ZMIZ1: variants seen among roughly 807,000 people sequenced by gnomAD.
The protein encoded by ZMIZ1 is zinc finger MIZ-type containing 1, also known as zinc finger MIZ domain-containing protein 1.
Under a neutral mutation model 113.9 loss-of-function variants are expected in ZMIZ1, and 17 were observed. The ratio of observed to expected loss-of-function variants is 0.15; its 90% CI spans 0.10 to 0.22. ZMIZ1 has a LOEUF of 0.22. Among genes scored for constraint, ZMIZ1 ranks in the 10% least tolerant of loss-of-function variants. The pLI is 1.00. For synonymous variants in ZMIZ1, 607 were observed against 603.1 expected (o/e 1.01, Z -0.09); for missense variants, 1,059 against 1,477.8 (o/e 0.72, Z 4.65).
intron 12 of ZMIZ1, chr10:79,294,034 C>G (rs909981688): frequency 1.6e-5 from 5 of 306,250 alleles, no homozygotes; most frequent in African/African-American, 1.0e-4. Context: ...GAGAGCTTCC[C>G]CAACTCCTCT....
chr10:79,197,732 G>A (rs1847903198), intron 4 of ZMIZ1, among the ~76,000 whole-genome samples: 1 of 151,946 alleles, frequency 6.6e-6, no homozygotes, highest in African/African-American at 2.4e-5. Flanking sequence ...TATCCAACAA[G>A]CTGTAACCTC....
intron 1 of ZMIZ1, among the ~76,000 whole-genome samples, chr10:79,087,347 G>C (rs1232268452): frequency 6.9e-6 from 1 of 144,718 alleles, no homozygotes; most frequent in East Asian, 2.0e-4. Context: ...CATGGTCCTG[G>C]CTGAAATTGG....
intron 4 of ZMIZ1, among the ~76,000 whole-genome samples, chr10:79,163,133 C>T (rs541486984): frequency 4.1e-4 from 62 of 152,388 alleles, no homozygotes; most frequent in Admixed American, 1.3e-3. Flanking sequence ...CCCAAGGCGT[C>T]GTGGTGCTGG....
chr10:79,302,785 A>C (rs1250548), intron 18 of ZMIZ1, among the ~76,000 whole-genome samples: 50,698 of 136,726 alleles, frequency 0.37, 9,779 homozygotes, highest in East Asian at 0.64. Flanking sequence ...GCTCCGCCTC[A>C]TGGGTTCACG....
At position 79,281,676 on chromosome 10, in the gene ZMIZ1, T is replaced by C. The variant is rs554668332; in HGVS notation, c.425+4351T>C. On this transcript the variant is annotated intron_variant, in intron 8 of 24. Coordinates refer to ENST00000334512, the MANE Select transcript of ZMIZ1 (RefSeq NM_020338.4). ...AAGCTGTGTGGGCTGGAAGACTCGCTGAGTACTGGTGGCTAACCAGTCGGT... is the reference window on the plus strand; with the variant it reads ...AAGCTGTGTGGGCTGGAAGACTCGCCGAGTACTGGTGGCTAACCAGTCGGT... 9.8e-5 allele frequency among the ~76,000 whole-genome samples: 15 copies of C among 152,338 alleles called. No individual in the cohort carries two copies. In the South Asian group the frequency reaches 3.1e-3, roughly 32 times the overall value.
At chr10:79,243,073 C>T (rs527925846) in intron 7 of ZMIZ1, among the ~76,000 whole-genome samples, 16 of 151,504 alleles carry the variant, frequency 1.1e-4, no homozygotes, top group African/African-American at 3.6e-4. Context: ...CAAGGCAGGT[C>T]TGCTCGCCTT....
At chr10:79,279,372 C>T (rs1014314406) in intron 8 of ZMIZ1, among the ~76,000 whole-genome samples, 5 of 151,410 alleles carry the variant, frequency 3.3e-5, no homozygotes, top group African/African-American at 7.3e-5. Context: ...GACGGGGTGG[C>T]GGGGCAGAGG....
chr10:79,222,997 C>G (rs1017116155), intron 7 of ZMIZ1, among the ~76,000 whole-genome samples: 4 of 152,342 alleles, frequency 2.6e-5, no homozygotes, highest in African/African-American at 9.6e-5. Flanking sequence ...GAATGGTGGA[C>G]TCTCAGACCC....
Position 79,114,482 on chromosome 10 carries a change from T to TGCGC in ZMIZ1, c.-336-4432_-336-4431insCGCG, listed in dbSNP as rs1394621468. Among the ~76,000 whole-genome samples, 173 of 124,952 alleles carry TGCGC rather than the reference T, an allele frequency of 1.4e-3. 1 individual carries two copies. The highest frequency in any genetic ancestry group is 4.8e-3 in the Admixed American group (59 of 12,238). The allele number at this position is 124,952 out of a possible 152,430, so 82.0% of individuals were successfully genotyped here. A position where few individuals can be genotyped will look rare whatever the true frequency, so the allele number is the denominator to read the frequency against. Reference sequence around the variant, plus strand: ...GTGTGTATGTGTGTGTGTGTCTGTGTGTGTGTGTGTGCGTGTGTGTGTGCG... The same window carrying TGCGC: ...GTGTGTATGTGTGTGTGTGTCTGTGTGCGCGTGTGTGTGTGCGTGTGTGTGTGCG... On this transcript the variant is annotated intron_variant, in intron 1 of 24. Transcript: ENST00000334512.
chr10:79,263,402 T>G (rs1369081003), intron 7 of ZMIZ1, among the ~76,000 whole-genome samples: 1 of 151,926 alleles, frequency 6.6e-6, no homozygotes, highest in Admixed American at 6.6e-5. Context: ...TGGTTGGAGG[T>G]GAGATGGTAG....
intron 7 of ZMIZ1, among the ~76,000 whole-genome samples, chr10:79,234,595 T>C (rs565232273): frequency 1.3e-5 from 2 of 152,330 alleles, no homozygotes; most frequent in East Asian, 3.9e-4. Context: ...CCATTAGTCA[T>C]GCAGGAAACA....
chr10:79,126,467 G>A (rs1844515280), intron 2 of ZMIZ1, among the ~76,000 whole-genome samples: 1 of 152,172 alleles, frequency 6.6e-6, no homozygotes. Context: ...GTGAGTGCCA[G>A]CTGAGCCCCA....
chr10:79,077,475 G>C (rs1842512755), intron 1 of ZMIZ1, among the ~76,000 whole-genome samples: 1 of 151,668 alleles, frequency 6.6e-6, no homozygotes, highest in East Asian at 1.9e-4. Flanking sequence ...AAGAGTGGGG[G>C]GTTCTGTGGT....
At chr10:79,138,207 G>A (rs531542170) in intron 2 of ZMIZ1, among the ~76,000 whole-genome samples, 1 of 152,346 alleles carries the variant, frequency 6.6e-6, no homozygotes, top group South Asian at 2.1e-4. Flanking sequence ...CACACAGGGA[G>A]GCAGAGGCCC....
intron 7 of ZMIZ1, among the ~76,000 whole-genome samples, chr10:79,234,259 C>T (rs1196981771): frequency 6.6e-6 from 1 of 152,082 alleles, no homozygotes; most frequent in Non-Finnish European, 1.5e-5. Flanking sequence ...GGAAGTGTGC[C>T]GTGTGTGGAG....
At chr10:79,247,233 C>T (rs762387376) in intron 7 of ZMIZ1, among the ~76,000 whole-genome samples, 3 of 152,170 alleles carry the variant, frequency 2.0e-5, no homozygotes, top group Non-Finnish European at 4.4e-5. Flanking sequence ...GGACCTTTGG[C>T]GACACTCTCA....
At chr10:79,116,767 G>A (rs965555039) in intron 1 of ZMIZ1, among the ~76,000 whole-genome samples, 1 of 152,216 alleles carries the variant, frequency 6.6e-6, no homozygotes, top group Admixed American at 6.5e-5. Context: ...TTCTGTAGCT[G>A]CCAGGCAGAT....
chr10:79,146,726 G>A (rs964849580), intron 3 of ZMIZ1, among the ~76,000 whole-genome samples: 3 of 152,134 alleles, frequency 2.0e-5, no homozygotes, highest in Non-Finnish European at 4.4e-5. Context: ...GGGGCTGGGC[G>A]GGTGCTCTGC....
At chr10:79,175,598 G>GTGTGTGTA (rs1846806381) in intron 4 of ZMIZ1, among the ~76,000 whole-genome samples, 2 of 112,640 alleles carry the variant, frequency 1.8e-5, no homozygotes, top group African/African-American at 9.4e-5. Context: ...GTGTGTGTGT[G>GTGTGTGTA]TGTGTGTGTG....
Sources: gnomAD v4.1 joint callset for allele counts (sites outside exome capture counted in the v4.1 genomes callset) on GRCh38, gnomAD v4.1.1 for gene constraint, MANE v1.5 for transcripts, NCBI Gene and HGNC (gene_info 2026-07-23, HGNC 2026-07-21) for gene names.